DMRT1: variants seen among roughly 807,000 people sequenced by gnomAD.
DMRT1 encodes doublesex- and mab-3-related transcription factor 1.
In DMRT1, 7 loss-of-function variants were observed where a neutral mutation model predicts 32.3. That is an observed-to-expected ratio of 0.22 (90% CI 0.12 to 0.41). The LOEUF is 0.41. Among genes scored for constraint, DMRT1 ranks in the 10% least tolerant of loss-of-function variants. DMRT1 has a pLI of 1.00. For missense variants in DMRT1, 625 were observed against 500.5 expected (o/e 1.25, Z -2.37); for synonymous variants, 278 against 206.1 (o/e 1.35, Z -2.99).
At chr9:915,300 A>G (rs929557294) in intron 3 of DMRT1, among the ~76,000 whole-genome samples, 3 of 152,208 alleles carry the variant, frequency 2.0e-5, no homozygotes, top group Non-Finnish European at 4.4e-5. Flanking sequence ...GTCTTACACA[A>G]TCAGAGTCAT....
intron 4 of DMRT1, among the ~76,000 whole-genome samples, chr9:952,194 G>T (rs1035423015): frequency 6.6e-6 from 1 of 152,132 alleles, no homozygotes; most frequent in Non-Finnish European, 1.5e-5. Flanking sequence ...CCTGTATCTC[G>T]AACAGTGCTG....
At chr9:901,753 T>A (rs146831703) in intron 3 of DMRT1, among the ~76,000 whole-genome samples, 76 of 151,866 alleles carry the variant, frequency 5.0e-4, no homozygotes, top group African/African-American at 1.8e-3. Context: ...AAGTTCTGGA[T>A]GGAGAAAGCG....
chr9:843,478 T>G (rs1180639654), intron 1 of DMRT1, among the ~76,000 whole-genome samples: 4 of 152,248 alleles, frequency 2.6e-5, no homozygotes, highest in Non-Finnish European at 1.5e-5. Context: ...GCTTAAGAAT[T>G]TTAAAGAATA....
chr9:890,401 G>C (rs1053763361), intron 2 of DMRT1, among the ~76,000 whole-genome samples: 1 of 152,224 alleles, frequency 6.6e-6, no homozygotes, highest in African/African-American at 2.4e-5. Flanking sequence ...GAAAGGAATA[G>C]AATAAAACAG....
intron 3 of DMRT1, among the ~76,000 whole-genome samples, chr9:898,786 G>C (rs1031091215): frequency 6.6e-6 from 1 of 152,152 alleles, no homozygotes; most frequent in African/African-American, 2.4e-5. Context: ...TAACCAGATG[G>C]AGTCATCTTT....
At chr9:855,494 T>C (rs971201840) in intron 2 of DMRT1, among the ~76,000 whole-genome samples, 1 of 152,230 alleles carries the variant, frequency 6.6e-6, no homozygotes, top group Non-Finnish European at 1.5e-5. Flanking sequence ...GAATAAATGA[T>C]GGTTAAATTT....
rs562765549 is a variant in DMRT1 at position 880,739 on chromosome 9, A to G, written c.539-13173A>G. Among the ~76,000 whole-genome samples the G allele has an allele frequency of 2.0e-3, 304 of 149,192 alleles. 4 individuals are homozygous for G. Among genetic ancestry groups the G allele is most frequent in the African/African-American group, 6.9e-3 (275 of 39,882 alleles). ...AACTCAGTCTCAAAAAAAAAAAAAA[A>G]AAAAGAAAAGAAAAGGAAAAAAAGT... On this transcript the variant is annotated intron_variant, in intron 2 of 4. Transcript: ENST00000382276.
chr9:847,132 C>G lies in DMRT1; in HGVS notation c.527C>G (p.Thr176Ser). The G allele has an allele frequency of 6.2e-7, 1 of 1,612,982 alleles. No homozygotes were observed. The highest frequency in any genetic ancestry group is 1.1e-5 in the South Asian group (1 of 91,024). Residue 176 changes from threonine (T) to serine (S), a missense_variant, in exon 2 of 5, where the codon ACT becomes AGT. Around this residue, in one of 3 missense-constraint regions of DMRT1, gnomAD observed 416 missense variants for 321.6 expected, o/e 1.29. Coordinates refer to ENST00000382276, the MANE Select transcript of DMRT1 (RefSeq NM_021951.3). ...SQPPPASVPT[T>S]AASEGRMVIQ... The stretch of plus-strand genomic sequence containing the variant: ...CCACCGCCGGCCAGTGTCCCCACCA[C>G]TGCAGCTTCAGGTAATCTGGAGGGG...
At chr9:879,195 C>A (rs757558115) in intron 2 of DMRT1, among the ~76,000 whole-genome samples, 1 of 152,050 alleles carries the variant, frequency 6.6e-6, no homozygotes, top group Non-Finnish European at 1.5e-5. Context: ...TTTTTACTTG[C>A]AGAATCTCTC....
chr9:902,107 G>T (rs572502183), intron 3 of DMRT1, among the ~76,000 whole-genome samples: 165 of 145,902 alleles, frequency 1.1e-3, no homozygotes, highest in African/African-American at 3.7e-3. Context: ...ATGGGGTTTT[G>T]CCATGTTGGC....
At chr9:855,315 A>C (rs1815351151) in intron 2 of DMRT1, among the ~76,000 whole-genome samples, 2 of 152,344 alleles carry the variant, frequency 1.3e-5, no homozygotes, top group African/African-American at 4.8e-5. Flanking sequence ...GGTTAAAGTT[A>C]CAAATAAATT....
intron 2 of DMRT1, among the ~76,000 whole-genome samples, chr9:852,953 T>G (rs1815226123): frequency 6.6e-6 from 1 of 152,248 alleles, no homozygotes; most frequent in Non-Finnish European, 1.5e-5. Context: ...GTCGTATGTT[T>G]AAGTGCTTAA....
intron 2 of DMRT1, among the ~76,000 whole-genome samples, chr9:856,031 T>C (rs1019384123): frequency 3.3e-5 from 5 of 152,166 alleles, no homozygotes; most frequent in African/African-American, 1.2e-4. Flanking sequence ...ATTCTCCTGC[T>C]TCAGCCTTCT....
chr9:902,093 C>G (rs10117191), intron 3 of DMRT1, among the ~76,000 whole-genome samples: 3 of 146,134 alleles, frequency 2.1e-5, no homozygotes, highest in African/African-American at 5.1e-5. Context: ...TATTTTTAGT[C>G]GAGATGGGGT....
intron 4 of DMRT1, among the ~76,000 whole-genome samples, chr9:950,382 A>G (rs937834558): frequency 1.3e-5 from 2 of 152,100 alleles, no homozygotes; most frequent in African/African-American, 4.8e-5. Flanking sequence ...GTTGTGATGC[A>G]CTGTGGTCTC....
chr9:884,967 C>T (rs771664480), intron 2 of DMRT1, among the ~76,000 whole-genome samples: 4 of 152,186 alleles, frequency 2.6e-5, no homozygotes, highest in South Asian at 2.1e-4. Flanking sequence ...GAGTGAGACT[C>T]GGTCTCAAAC....
intron 2 of DMRT1, among the ~76,000 whole-genome samples, chr9:854,184 A>G (rs1016196155): frequency 1.3e-5 from 2 of 151,000 alleles, no homozygotes; most frequent in African/African-American, 4.9e-5. Context: ...TGGCACAATC[A>G]TAGCTCACCG....
chr9:889,619 A>G (rs1248878899), intron 2 of DMRT1, among the ~76,000 whole-genome samples: 1 of 152,204 alleles, frequency 6.6e-6, no homozygotes, highest in Admixed American at 6.5e-5. Flanking sequence ...CTTCAGAGTT[A>G]TTACTGCCAT....
At chr9:850,793 C>T (rs980297876) in intron 2 of DMRT1, among the ~76,000 whole-genome samples, 1 of 152,076 alleles carries the variant, frequency 6.6e-6, no homozygotes, top group Non-Finnish European at 1.5e-5. Flanking sequence ...CTTTGGGAGG[C>T]CAAGGCAGGT....
Sources: allele counts gnomAD v4.1 joint callset (sites outside exome capture counted in the v4.1 genomes callset), GRCh38; gene constraint gnomAD v4.1.1; regional missense constraint gnomAD v4.1.1; transcripts MANE v1.5; gene names NCBI Gene and HGNC (gene_info 2026-07-23, HGNC 2026-07-21).